The following SHISA9 variants were observed in gnomAD, a reference collection of about 807,000 sequenced individuals.
SHISA9 encodes the protein shisa family member 9, also known as protein shisa-9.
Under a neutral mutation model 38.0 loss-of-function variants are expected in SHISA9, and 13 were observed. That is an observed-to-expected ratio of 0.34 (90% CI 0.22 to 0.54). The LOEUF (loss-of-function observed/expected upper bound fraction) is 0.54. Ranked by LOEUF, SHISA9 falls within the 20% of genes least tolerant of loss-of-function variation. The probability of loss-of-function intolerance (pLI) is 0.91; values close to 1 mark genes in which losing one functional copy is unlikely to be tolerated. For missense variants in SHISA9, 538 were observed against 575.8 expected, an observed-to-expected ratio of 0.93 and a Z score of 0.67; for synonymous variants, 275 against 242.0, an observed-to-expected ratio of 1.14 and a Z score of -1.27.
Position 13,235,547 on chromosome 16 carries a change from C to G in SHISA9, c.*138C>G. On this transcript the variant is annotated 3_prime_UTR_variant, in exon 5 of 5. Transcript: ENST00000558583. ...TCAACAAGAACCAACTCTAAACCTACTGGGGACACAGAGTCGCGCTTTTCC... is the reference window on the plus strand; with the variant it reads ...TCAACAAGAACCAACTCTAAACCTAGTGGGGACACAGAGTCGCGCTTTTCC... 1.8e-6 allele frequency: 2 copies of G among 1,121,582 alleles called. No individual in the cohort carries two copies. The highest frequency in any genetic ancestry group is 2.5e-6 in the Non-Finnish European group (2 of 814,068). The allele number at this position is 1,121,582 out of a possible 1,614,324, so 69.5% of individuals were successfully genotyped here.
chr16:12,974,377 A>G (rs945872303), intron 2 of SHISA9, among the ~76,000 whole-genome samples: 34 of 152,104 alleles, frequency 2.2e-4, no homozygotes, highest in South Asian at 2.1e-4. Context: ...CAGGCGGGCA[A>G]AAATGACCAA....
At chr16:13,442,210 A>G in the SHISA9 span, among the ~76,000 whole-genome samples, 6 of 152,230 alleles carry the variant, frequency 3.9e-5, no homozygotes, top group African/African-American at 7.2e-5. Flanking sequence ...GGTTTGGTAA[A>G]AGGATGAGAA....
At chr16:13,122,892 C>T (rs1344660288) in intron 2 of SHISA9, among the ~76,000 whole-genome samples, 2 of 152,038 alleles carry the variant, frequency 1.3e-5, no homozygotes, top group African/African-American at 2.4e-5. Flanking sequence ...ACTAAAAATA[C>T]AAAAATTAGC....
chr16:13,247,568 A>C, the SHISA9 span, among the ~76,000 whole-genome samples: 2 of 151,966 alleles, frequency 1.3e-5, no homozygotes, highest in Admixed American at 1.3e-4. Context: ...GGATCCAGTT[A>C]CTGTGGTTAA....
the SHISA9 span, among the ~76,000 whole-genome samples, chr16:13,493,045 T>C: frequency 6.6e-6 from 1 of 152,200 alleles, no homozygotes; most frequent in African/African-American, 2.4e-5. Flanking sequence ...CTAAGTGTTA[T>C]GTAAAGCTAT....
chr16:13,036,821 A>T (rs957564488), intron 2 of SHISA9, among the ~76,000 whole-genome samples: 1 of 151,904 alleles, frequency 6.6e-6, no homozygotes, highest in Non-Finnish European at 1.5e-5. Context: ...AATGAGGTAA[A>T]GTAGTTAGCA....
chr16:13,262,423 C>A, the SHISA9 span, among the ~76,000 whole-genome samples: 1 of 152,144 alleles, frequency 6.6e-6, no homozygotes, highest in East Asian at 1.9e-4. Context: ...CACTAGTAGC[C>A]TTTTAGCTTT....
intron 2 of SHISA9, among the ~76,000 whole-genome samples, chr16:12,977,733 C>G (rs1317716125): frequency 6.6e-6 from 1 of 151,920 alleles, no homozygotes. Context: ...AACCAAACAC[C>G]GCATGGTCTC....
chr16:13,276,275 T>TATATATA, the SHISA9 span, among the ~76,000 whole-genome samples: 181 of 151,798 alleles, frequency 1.2e-3, no homozygotes, highest in African/African-American at 4.1e-3. Flanking sequence ...TAGTATTCCA[T>TATATATA]CATATATATA....
chr16:13,436,687 T>C, the SHISA9 span, among the ~76,000 whole-genome samples: 2 of 152,214 alleles, frequency 1.3e-5, no homozygotes, highest in Non-Finnish European at 2.9e-5. Flanking sequence ...GTGGTCTGGA[T>C]TGGGATCCAT....
chr16:13,138,807 T>C (rs907733765), intron 2 of SHISA9, among the ~76,000 whole-genome samples: 18 of 152,148 alleles, frequency 1.2e-4, no homozygotes, highest in Non-Finnish European at 4.4e-5. Context: ...ATTTGGAAAC[T>C]TTTATTATTT....
chr16:13,166,510 T>A (rs994442846), intron 2 of SHISA9, among the ~76,000 whole-genome samples: 1 of 152,238 alleles, frequency 6.6e-6, no homozygotes, highest in African/African-American at 2.4e-5. Flanking sequence ...CTCTATTCCC[T>A]CTGCACCCTC....
At chr16:13,502,179 A>G in the SHISA9 span, among the ~76,000 whole-genome samples, 1 of 151,956 alleles carries the variant, frequency 6.6e-6, no homozygotes, top group African/African-American at 2.4e-5. Flanking sequence ...AAGATTGCCT[A>G]CATAGCTGTC....
chr16:13,082,798 G>T (rs1280806936), intron 2 of SHISA9, among the ~76,000 whole-genome samples: 1 of 152,154 alleles, frequency 6.6e-6, no homozygotes, highest in Non-Finnish European at 1.5e-5. Context: ...GAAGTCTCTT[G>T]CCCAAGAGCC....
the SHISA9 span, among the ~76,000 whole-genome samples, chr16:13,468,873 A>G: frequency 6.6e-6 from 1 of 152,000 alleles, no homozygotes; most frequent in Admixed American, 6.6e-5. Context: ...TATGTGCATT[A>G]TATATTGCTT....
chr16:13,139,893 C>G (rs1049419288), intron 2 of SHISA9, among the ~76,000 whole-genome samples: 1 of 152,148 alleles, frequency 6.6e-6, no homozygotes, highest in African/African-American at 2.4e-5. Flanking sequence ...GCTACTGGCT[C>G]TGACTCAGTT....
At chr16:13,124,408 C>T (rs1404634788) in intron 2 of SHISA9, among the ~76,000 whole-genome samples, 1 of 152,138 alleles carries the variant, frequency 6.6e-6, no homozygotes, top group African/African-American at 2.4e-5. Context: ...GGTGTCAGTT[C>T]CCCAAGCCCA....
chr16:13,214,810 G>T (rs1362373703), intron 4 of SHISA9, among the ~76,000 whole-genome samples: 2 of 152,138 alleles, frequency 1.3e-5, no homozygotes, highest in East Asian at 3.9e-4. Context: ...ACTCTCACAA[G>T]AACAGCACAG....
At chr16:13,264,108 A>G in the SHISA9 span, among the ~76,000 whole-genome samples, 1 of 151,840 alleles carries the variant, frequency 6.6e-6, no homozygotes, top group African/African-American at 2.4e-5. Flanking sequence ...GGTGGCTGTC[A>G]TCACCTGTGT....
Sources: allele counts gnomAD v4.1 joint callset (sites outside exome capture counted in the v4.1 genomes callset), GRCh38; gene constraint gnomAD v4.1.1; transcripts MANE v1.5; gene names NCBI Gene and HGNC (gene_info 2026-07-23, HGNC 2026-07-21).